The following RAP1GDS1 variants were observed in gnomAD, a reference collection of about 807,000 sequenced individuals.
RAP1GDS1 encodes RAP1, GTP-GDP dissociation stimulator 1.
In RAP1GDS1, 35 loss-of-function variants were observed where a neutral mutation model predicts 71.1. The ratio of observed to expected loss-of-function variants is 0.49; its 90% CI spans 0.38 to 0.65. RAP1GDS1 has a LOEUF of 0.65. Ranked by LOEUF, RAP1GDS1 falls within the 30% of genes least tolerant of loss-of-function variation. The pLI, the probability that RAP1GDS1 is intolerant of heterozygous loss-of-function variation, is 0.00. For missense variants in RAP1GDS1, 663 were observed against 706.1 expected, an observed-to-expected ratio of 0.94 and a Z score of 0.69; for synonymous variants, 229 against 243.1, an observed-to-expected ratio of 0.94 and a Z score of 0.54.
chr4:98,268,283 A>G (rs1462290736), intron 1 of RAP1GDS1, among the ~76,000 whole-genome samples: 6 of 152,202 alleles, frequency 3.9e-5, no homozygotes, highest in Non-Finnish European at 8.8e-5. Context: ...TCATTTTTAA[A>G]ACTCTCAACA....
intron 1 of RAP1GDS1, among the ~76,000 whole-genome samples, chr4:98,290,395 G>C (rs1386780253): frequency 6.6e-6 from 1 of 152,034 alleles, no homozygotes; most frequent in Non-Finnish European, 1.5e-5. Context: ...TGTTGTTGGT[G>C]ATGATCTTAA....
intron 2 of RAP1GDS1, among the ~76,000 whole-genome samples, chr4:98,341,555 A>G (rs1216749581): frequency 6.6e-6 from 1 of 152,224 alleles, no homozygotes; most frequent in Non-Finnish European, 1.5e-5. Context: ...GCCTTATGCC[A>G]GACTCTTGCT....
intron 3 of RAP1GDS1, among the ~76,000 whole-genome samples, chr4:98,343,721 C>G (rs1381842188): frequency 6.6e-6 from 1 of 152,126 alleles, no homozygotes; most frequent in Admixed American, 6.5e-5. Context: ...TCTACACTCA[C>G]CATATATTTC....
Position 98,416,917 on chromosome 4 carries a change from ATG to A in RAP1GDS1, c.907+32_907+33del, listed in dbSNP as rs775078847. 7.5e-6 allele frequency: 12 copies of A among 1,605,248 alleles called. No homozygotes were observed. The Admixed American group carries it at 1.7e-4, about 23-fold the overall frequency. ...AGTTGTAATTTATGCCAGCCAAAGA[ATG>A]TGGTTGTCAGATGTTTTTAAAATTT... On this transcript the variant is annotated intron_variant, in intron 8 of 14. Transcript: ENST00000408927.
chr4:98,358,425 T>C (rs770711517), intron 4 of RAP1GDS1, among the ~76,000 whole-genome samples: 2 of 152,056 alleles, frequency 1.3e-5, no homozygotes, highest in Non-Finnish European at 1.5e-5. Flanking sequence ...TTTTTGGTGG[T>C]TAAACTTGCT....
At chr4:98,383,270 C>A (rs1450596925) in intron 5 of RAP1GDS1, among the ~76,000 whole-genome samples, 1 of 151,470 alleles carries the variant, frequency 6.6e-6, no homozygotes, top group Non-Finnish European at 1.5e-5. Flanking sequence ...ACTAAAGTTA[C>A]TATTTTACGT....
chr4:98,328,256 A>G (rs377044645), intron 2 of RAP1GDS1, among the ~76,000 whole-genome samples: 14 of 152,348 alleles, frequency 9.2e-5, no homozygotes, highest in Admixed American at 5.9e-4. Context: ...CATTCTTTCA[A>G]ACTACCAGCA....
At chr4:98,277,586 T>A (rs1471706198) in intron 1 of RAP1GDS1, among the ~76,000 whole-genome samples, 2 of 152,182 alleles carry the variant, frequency 1.3e-5, no homozygotes, top group Non-Finnish European at 1.5e-5. Flanking sequence ...TCATTTTTCA[T>A]AGTCTAACTC....
intron 1 of RAP1GDS1, among the ~76,000 whole-genome samples, chr4:98,272,009 G>A (rs923886694): frequency 6.6e-6 from 1 of 152,122 alleles, no homozygotes; most frequent in African/African-American, 2.4e-5. Flanking sequence ...TAGATGTGGG[G>A]TGGGCTGAGA....
intron 5 of RAP1GDS1, among the ~76,000 whole-genome samples, chr4:98,380,089 A>G (rs2110106583): frequency 6.6e-6 from 1 of 151,842 alleles, no homozygotes; most frequent in South Asian, 2.1e-4. Context: ...ATTCAAAAAA[A>G]AAAAAAAAGA....
intron 2 of RAP1GDS1, among the ~76,000 whole-genome samples, chr4:98,304,604 GA>G (rs1729054876): frequency 6.6e-6 from 1 of 152,164 alleles, no homozygotes; most frequent in African/African-American, 2.4e-5. Flanking sequence ...ACCTTTGTCA[GA>G]TGGATAGATT....
intron 4 of RAP1GDS1, among the ~76,000 whole-genome samples, chr4:98,370,593 T>TCG (rs1238072752): frequency 6.6e-6 from 1 of 150,400 alleles, no homozygotes; most frequent in Non-Finnish European, 1.5e-5. Flanking sequence ...TAACAGAGTC[T>TCG]CGCTCTGTCA....
At chr4:98,262,136 G>A (rs1342407069) in intron 1 of RAP1GDS1, among the ~76,000 whole-genome samples, 1 of 152,256 alleles carries the variant, frequency 6.6e-6, no homozygotes, top group South Asian at 2.1e-4. Context: ...AGCCTCATAG[G>A]TTGAAAGGAT....
chr4:98,409,849 T>C (rs751541577), intron 7 of RAP1GDS1: 9 of 197,744 alleles, frequency 4.6e-5, no homozygotes, highest in Non-Finnish European at 5.2e-5. Context: ...AATGTGAAAG[T>C]TAAAACTTCA....
At chr4:98,421,813 A>G (rs28464398) in intron 12 of RAP1GDS1, among the ~76,000 whole-genome samples, 9,757 of 152,216 alleles carry the variant, frequency 0.064, 827 homozygotes, top group African/African-American at 0.2. Context: ...TGAACAAATG[A>G]GCTATTTTAA....
At chr4:98,389,419 G>A (rs1430617647) in intron 5 of RAP1GDS1, among the ~76,000 whole-genome samples, 2 of 152,008 alleles carry the variant, frequency 1.3e-5, no homozygotes, top group Admixed American at 6.6e-5. Flanking sequence ...GTTTTAGTTA[G>A]CATCATAGAA....
chr4:98,441,898 T>G, intron 14 of RAP1GDS1, 92 bp from the exon 15 acceptor site: 2 of 1,389,162 alleles, frequency 1.4e-6, no homozygotes, highest in Non-Finnish European at 2.0e-6. Context: ...TTTTATAAGC[T>G]TAGTCTTGTC....
intron 5 of RAP1GDS1, chr4:98,379,624 A>G (rs1423607645): frequency 6.6e-6 from 1 of 151,984 alleles, no homozygotes. Context: ...GAGCAACTGT[A>G]GAGATCTCAT....
chr4:98,302,455 G>A (rs1307247239), intron 2 of RAP1GDS1, among the ~76,000 whole-genome samples: 3 of 152,120 alleles, frequency 2.0e-5, no homozygotes, highest in Admixed American at 6.6e-5. Flanking sequence ...GAAGACAAAG[G>A]ATCAGAGAAA....
Sources: allele counts gnomAD v4.1 joint callset (sites outside exome capture counted in the v4.1 genomes callset), GRCh38; gene constraint gnomAD v4.1.1; transcripts MANE v1.5; gene names NCBI Gene and HGNC (gene_info 2026-07-23, HGNC 2026-07-21).